The following CCSER1 variants were observed in gnomAD, a reference collection of about 807,000 sequenced individuals.
CCSER1 encodes coiled-coil serine rich protein 1.
CCSER1 carries 41 observed loss-of-function variants against 82.0 expected under a neutral mutation model. That is an observed-to-expected ratio of 0.50 (90% CI 0.39 to 0.65). The LOEUF (loss-of-function observed/expected upper bound fraction) is 0.65, where lower values mean the gene tolerates loss of function less well. CCSER1 is among the 30% of genes least tolerant of loss of function. The probability of loss-of-function intolerance (pLI) is 0.00; values close to 1 mark genes in which losing one functional copy is unlikely to be tolerated. For missense variants in CCSER1, 1,119 were observed against 1,064.2 expected, an observed-to-expected ratio of 1.05 and a Z score of -0.72; for synonymous variants, 414 against 383.9, an observed-to-expected ratio of 1.08 and a Z score of -0.92.
chr4:91,410,886 A>C (rs1213408251), intron 10 of CCSER1, among the ~76,000 whole-genome samples: 1 of 152,104 alleles, frequency 6.6e-6, no homozygotes, highest in Non-Finnish European at 1.5e-5. Context: ...ATAACACAAT[A>C]TATTTGGAAA....
rs887103938 is a variant in CCSER1 at position 91,022,327 on chromosome 4, T to G, written c.2173-63623T>G. 3.3e-5 allele frequency among the ~76,000 whole-genome samples: 5 copies of G among 152,220 alleles called. No homozygotes were observed. In the South Asian group the frequency reaches 1.0e-3, roughly 32 times the overall value. On this transcript the variant is annotated intron_variant, in intron 9 of 10. Coordinates refer to ENST00000509176, the MANE Select transcript of CCSER1 (RefSeq NM_001145065.2). ...TTCATCCATGTCCCTACAAAAGACA[T>G]GAACTCATCATTTTTTATGGCTGCA...
intron 6 of CCSER1, among the ~76,000 whole-genome samples, chr4:90,684,816 A>G (rs759292141): frequency 6.6e-6 from 1 of 151,938 alleles, no homozygotes; most frequent in Non-Finnish European, 1.5e-5. Flanking sequence ...GATGGTTATT[A>G]TAAGCGGTGG....
chr4:90,156,939 T>G (rs1391617034), intron 1 of CCSER1, among the ~76,000 whole-genome samples: 1 of 152,194 alleles, frequency 6.6e-6, no homozygotes, highest in African/African-American at 2.4e-5. Flanking sequence ...GTTATTTTGC[T>G]CGTTAGTTCA....
chr4:90,993,944 A>G (rs774420032), intron 9 of CCSER1, among the ~76,000 whole-genome samples: 2 of 152,152 alleles, frequency 1.3e-5, no homozygotes, highest in African/African-American at 2.4e-5. Flanking sequence ...CAGCATTATG[A>G]TAAGTGCTCT....
chr4:90,964,745 A>C (rs1301125978), intron 9 of CCSER1, among the ~76,000 whole-genome samples: 9 of 151,322 alleles, frequency 5.9e-5, no homozygotes, highest in East Asian at 5.8e-4. Context: ...AAAAAAAAAA[A>C]AAAAAAAGCA....
intron 1 of CCSER1, among the ~76,000 whole-genome samples, chr4:90,217,322 G>A (rs181314766): frequency 1.3e-5 from 2 of 152,058 alleles, no homozygotes; most frequent in African/African-American, 4.8e-5. Flanking sequence ...TCAGCCTCCT[G>A]AGTAGCTGGA....
At chr4:91,407,497 G>A (rs1752771223) in intron 10 of CCSER1, among the ~76,000 whole-genome samples, 1 of 152,216 alleles carries the variant, frequency 6.6e-6, no homozygotes, top group Non-Finnish European at 1.5e-5. Context: ...GAGAATGAAC[G>A]GCCTTTTTAG....
At chr4:91,059,955 A>G (rs1217685159) in intron 9 of CCSER1, among the ~76,000 whole-genome samples, 2 of 152,064 alleles carry the variant, frequency 1.3e-5, no homozygotes, top group Non-Finnish European at 2.9e-5. Context: ...CAACAAAAAT[A>G]GTAACTGCTT....
chr4:90,788,614 C>T (rs1333106359), intron 7 of CCSER1, among the ~76,000 whole-genome samples: 1 of 152,142 alleles, frequency 6.6e-6, no homozygotes, highest in Non-Finnish European at 1.5e-5. Flanking sequence ...TAAAAAGGCT[C>T]ACTTCCCTCC....
At chr4:91,243,434 AC>A (rs200256280) in intron 10 of CCSER1, among the ~76,000 whole-genome samples, 7,551 of 152,242 alleles carry the variant, frequency 0.05, 347 homozygotes, top group East Asian at 0.12. Flanking sequence ...AGCTGCTGGC[AC>A]AGCTAAGGGA....
At chr4:91,543,100 T>C (rs530583074) in intron 10 of CCSER1, among the ~76,000 whole-genome samples, 3 of 152,310 alleles carry the variant, frequency 2.0e-5, no homozygotes, top group Non-Finnish European at 4.4e-5. Context: ...TAAAGTCCAT[T>C]TTATCAGAGA....
chr4:91,533,254 A>G (rs1761125144), intron 10 of CCSER1, among the ~76,000 whole-genome samples: 1 of 152,178 alleles, frequency 6.6e-6, no homozygotes. Context: ...CAAAAGGTTG[A>G]AAATATGATT....
At chr4:90,546,727 G>A (rs1456714023) in intron 5 of CCSER1, among the ~76,000 whole-genome samples, 1 of 151,958 alleles carries the variant, frequency 6.6e-6, no homozygotes, top group African/African-American at 2.4e-5. Context: ...TCAACATTGT[G>A]TTCTTTCTTC....
chr4:91,196,321 T>C (rs1055629588), intron 10 of CCSER1, among the ~76,000 whole-genome samples: 2 of 152,108 alleles, frequency 1.3e-5, no homozygotes, highest in South Asian at 2.1e-4. Context: ...GCCAATTTAC[T>C]AAAAACTTAA....
At chr4:91,403,031 G>A (rs1752446139) in intron 10 of CCSER1, among the ~76,000 whole-genome samples, 1 of 152,164 alleles carries the variant, frequency 6.6e-6, no homozygotes, top group African/African-American at 2.4e-5. Context: ...CCATGAGCAT[G>A]GACTGTTCTT....
In CCSER1 at chr4:91,320,282, A is replaced by G. The variant is rs796976134; in HGVS notation, c.2217+234288A>G. ...GATCTACTGTAAGAATGACTCTTCTATTTATGAGACCATGAAGAAGAAAAA... is the reference window on the plus strand; with the variant it reads ...GATCTACTGTAAGAATGACTCTTCTGTTTATGAGACCATGAAGAAGAAAAA... On this transcript the variant is annotated intron_variant, in intron 10 of 10. Transcript: ENST00000509176. 3.9e-5 allele frequency among the ~76,000 whole-genome samples: 6 copies of G among 152,054 alleles called. 1 individual carries two copies. In the East Asian group the frequency reaches 1.2e-3, roughly 29 times the overall value.
At chr4:90,174,015 C>T (rs1732219663) in intron 1 of CCSER1, among the ~76,000 whole-genome samples, 1 of 151,960 alleles carries the variant, frequency 6.6e-6, no homozygotes, top group African/African-American at 2.4e-5. Context: ...AAGTCAGAAA[C>T]AATCTACCTA....
chr4:91,262,852 G>GA (rs11465002), intron 10 of CCSER1, among the ~76,000 whole-genome samples: 30,382 of 147,850 alleles, frequency 0.21, 3,353 homozygotes, highest in East Asian at 0.35. Flanking sequence ...CTTATCATAT[G>GA]AAAAAAAAAA....
At chr4:90,822,543 A>G (rs758300888) in intron 8 of CCSER1, among the ~76,000 whole-genome samples, 26 of 152,126 alleles carry the variant, frequency 1.7e-4, no homozygotes, top group Non-Finnish European at 3.2e-4. Context: ...CATGGCCAAC[A>G]TGGTGAAACC....
Sources: gnomAD v4.1 joint callset for allele counts (sites outside exome capture counted in the v4.1 genomes callset) on GRCh38, gnomAD v4.1.1 for gene constraint, MANE v1.5 for transcripts, NCBI Gene and HGNC (gene_info 2026-07-23, HGNC 2026-07-21) for gene names.